ALDH3B2: variants seen among roughly 807,000 people sequenced by gnomAD.
ALDH3B2 encodes the protein aldehyde dehydrogenase 3 family member B2.
ALDH3B2 carries 45 observed loss-of-function variants against 36.7 expected under a neutral mutation model. That is an observed-to-expected ratio of 1.23 (90% CI 0.97 to 1.57). The LOEUF is 1.57. Among genes scored for constraint, ALDH3B2 ranks in the 40% most tolerant of loss-of-function variants. ALDH3B2 has a pLI of 0.00. For missense variants in ALDH3B2, 464 were observed against 513.3 expected, an observed-to-expected ratio of 0.90 and a Z score of 0.93; for synonymous variants, 217 against 226.5, an observed-to-expected ratio of 0.96 and a Z score of 0.38.
At chr11:67,666,451 C>G (rs1488173886) in intron 4 of ALDH3B2, 50 bp from the exon 5 acceptor site, 2 of 1,604,772 alleles carry the variant, frequency 1.2e-6, no homozygotes, top group Non-Finnish European at 1.7e-6. Context: ...GTCCCCATGC[C>G]CAACCAGGGG....
chr11:67,674,318 GC>G, intron 1 of ALDH3B2, 117 bp downstream of exon 1: 1 of 152,746 alleles, frequency 6.5e-6, no homozygotes. Context: ...TGGTGGGCTT[GC>G]CCCCTGACCC....
rs144853999 is a variant in ALDH3B2, at chr11:67,665,288, T to G, written c.703A>C (p.Ile235Leu). The G allele has an allele frequency of 3.5e-4, 566 of 1,604,226 alleles. 2 individuals carry two copies. The highest frequency in any genetic ancestry group is 1.5e-3 in the Middle Eastern group (9 of 6,042). ...GCGGTAGGGCAGCAGGACTCACCGA[T>G]GTAGCGATCGCTCTCGTTGCTCTGG... Residue 235 changes from isoleucine to leucine, a missense_variant, in exon 7 of 10, where the codon ATC becomes CTC. Ile to Leu is a conservative substitution (Grantham distance 5). Coordinates refer to ENST00000349015, the Ensembl canonical transcript of ALDH3B2.
intron 2 of ALDH3B2, 47 bp from the exon 3 acceptor site, chr11:67,667,063 A>G (rs1287577565): frequency 8.8e-7 from 1 of 1,138,238 alleles, no homozygotes; most frequent in African/African-American, 1.5e-5. Context: ...GACCTGGGCC[A>G]GGAGGGGTCT....
At chr11:67,666,683 C>T in exon 4 of ALDH3B2, 1 of 1,614,124 alleles carries the variant, frequency 6.2e-7, no homozygotes. Context: ...AGACCGAGTC[C>T]AGCTTCATGA....
Position 67,673,381 on chromosome 11 carries a change from C to T in ALDH3B2, c.-245+1056G>A, listed in dbSNP as rs559790665. Among the ~76,000 whole-genome samples the T allele has an allele frequency of 5.3e-5, 8 of 152,252 alleles. No homozygotes were observed. The East Asian group carries it at 5.8e-4, about 11-fold the overall frequency. On this transcript the variant is annotated intron_variant, in intron 1 of 9. Transcript: ENST00000349015. ...CAGTCTACACACGGAACAATGACAC[C>T]GGAAACAATATCATTACAAACATGA...
chr11:67,667,563 C>A, exon 2 of ALDH3B2: 1 of 383,826 alleles, frequency 2.6e-6, no homozygotes, highest in Non-Finnish European at 4.6e-6. Flanking sequence ...CAGCCCGGAA[C>A]TCGGCCGGCC....
intron 3 of ALDH3B2, 88 bp downstream of exon 3, chr11:67,666,818 G>A (rs1288703834): frequency 9.3e-6 from 15 of 1,609,024 alleles, no homozygotes; most frequent in South Asian, 3.3e-5. Context: ...TCAGTGACTC[G>A]CCCGGGGCCT....
intron 1 of ALDH3B2, among the ~76,000 whole-genome samples, chr11:67,669,303 T>C (rs998005767): frequency 2.6e-5 from 4 of 151,360 alleles, no homozygotes; most frequent in African/African-American, 9.7e-5. Context: ...TGTCTGTGTG[T>C]CTGTGTCTGT....
chr11:67,669,026 T>G (rs537529817), intron 1 of ALDH3B2, among the ~76,000 whole-genome samples: 1 of 151,424 alleles, frequency 6.6e-6, no homozygotes, highest in Non-Finnish European at 1.5e-5. Context: ...TGTCTGTGTC[T>G]CTTTGTGTGT....
intron 9 of ALDH3B2, 128 bp from the exon 10 acceptor site, chr11:67,663,527 AT>A: frequency 7.3e-7 from 1 of 1,376,102 alleles, no homozygotes; most frequent in Non-Finnish European, 1.0e-6. Flanking sequence ...TCACAGAGCC[AT>A]TTTACAGATA....
chr11:67,672,619 C>T (rs943166070), intron 1 of ALDH3B2, among the ~76,000 whole-genome samples: 5 of 151,724 alleles, frequency 3.3e-5, no homozygotes, highest in Admixed American at 2.6e-4. Context: ...GATGGAGTCT[C>T]ATTCTGTCAC....
rs1380196083 is a variant in ALDH3B2, at chr11:67,671,547, CCT to C, written c.-245+2888_-245+2889del. ...GATCAGGGCCAACCTGCCTCCCCCC[CCT>C]TTTTTTTTTTTTTTGGAACGGAGTT... On this transcript the variant is annotated intron_variant, in intron 1 of 9. Coordinates refer to ENST00000349015, the Ensembl canonical transcript of ALDH3B2. Among the ~76,000 whole-genome samples the C allele has an allele frequency of 2.2e-3, 219 of 97,648 alleles. 1 individual carries two copies. The highest frequency in any genetic ancestry group is 6.9e-3 in the African/African-American group (203 of 29,588). The allele number at this position is 97,648 out of a possible 152,430, so 64.1% of individuals were successfully genotyped here. A position where few individuals can be genotyped will look rare whatever the true frequency, so the allele number is the denominator to read the frequency against.
chr11:67,668,636 G>C (rs1855988546), intron 1 of ALDH3B2, among the ~76,000 whole-genome samples: 1 of 152,006 alleles, frequency 6.6e-6, no homozygotes, highest in Non-Finnish European at 1.5e-5. Flanking sequence ...CTATGTGTGT[G>C]TGTGTGTATG....
At chr11:67,662,981 T>G in exon 10 of ALDH3B2, 12 of 532,896 alleles carry the variant, frequency 2.3e-5, no homozygotes, top group South Asian at 7.7e-5. Flanking sequence ...GTGGGGTGAG[T>G]GAGGACACCT....
chr11:67,672,928 CTTTTCTTTT>C (rs1240704865), intron 1 of ALDH3B2, among the ~76,000 whole-genome samples: 29 of 130,426 alleles, frequency 2.2e-4, no homozygotes, highest in African/African-American at 7.9e-4. Flanking sequence ...CTTTTCTTTT[CTTTTCTTTT>C]TTTTTTTTTT....
chr11:67,666,519 C>T (rs575524604), intron 4 of ALDH3B2, 55 bp downstream of exon 4: 8 of 1,610,872 alleles, frequency 5.0e-6, no homozygotes, highest in South Asian at 2.2e-5. Flanking sequence ...CCAGGGGCCT[C>T]TTTGGGAGGG....
chr11:67,676,479 A>G (rs1266723430), upstream of ALDH3B2, among the ~76,000 whole-genome samples: 2 of 152,060 alleles, frequency 1.3e-5, no homozygotes, highest in Non-Finnish European at 2.9e-5. Context: ...GAAAGTTCAT[A>G]GCCCTAAATG....
intron 1 of ALDH3B2, among the ~76,000 whole-genome samples, chr11:67,679,960 C>A (rs975528632): frequency 6.6e-6 from 1 of 152,146 alleles, no homozygotes. Context: ...CCAGCCCTGA[C>A]TTTTGTTTTT....
chr11:67,676,599 A>C (rs1175407125), upstream of ALDH3B2, among the ~76,000 whole-genome samples: 1 of 152,030 alleles, frequency 6.6e-6, no homozygotes, highest in Non-Finnish European at 1.5e-5. Flanking sequence ...GAAATAACCA[A>C]GATTAGAGCA....
Sources: allele counts gnomAD v4.1 joint callset (sites outside exome capture counted in the v4.1 genomes callset), GRCh38; gene constraint gnomAD v4.1.1; transcripts MANE v1.5; gene names NCBI Gene and HGNC (gene_info 2026-07-23, HGNC 2026-07-21).